SOS2: variants seen among roughly 807,000 people sequenced by gnomAD.
SOS2 encodes the protein son of sevenless homolog 2.
SOS2 carries 65 observed loss-of-function variants against 148.2 expected under a neutral mutation model. That is an observed-to-expected ratio of 0.44 (90% CI 0.36 to 0.54). The LOEUF (loss-of-function observed/expected upper bound fraction) is 0.54, where lower values mean the gene tolerates loss of function less well. Ranked by LOEUF, SOS2 falls within the 20% of genes least tolerant of loss-of-function variation. SOS2 has a pLI of 0.00. For synonymous variants in SOS2, 539 were observed against 537.1 expected (o/e 1.00, Z -0.05); for missense variants, 1,341 against 1,590.2 (o/e 0.84, Z 2.67).
intron 1 of SOS2, among the ~76,000 whole-genome samples, chr14:50,230,370 T>G (rs1308097350): frequency 1.3e-5 from 2 of 152,200 alleles, no homozygotes; most frequent in Non-Finnish European, 2.9e-5. Context: ...ACGCACCTAT[T>G]CACAGTCTTT....
At chr14:50,152,592 G>A (rs1884695136) in intron 13 of SOS2, among the ~76,000 whole-genome samples, 1 of 152,100 alleles carries the variant, frequency 6.6e-6, no homozygotes, top group Non-Finnish European at 1.5e-5. Context: ...TCAGATGATT[G>A]GTCTAAACAT....
At chr14:50,123,938 G>C (rs1021516887) in intron 21 of SOS2, among the ~76,000 whole-genome samples, 1 of 152,108 alleles carries the variant, frequency 6.6e-6, no homozygotes, top group African/African-American at 2.4e-5. Flanking sequence ...TGTGAGAAAG[G>C]GAGAGAAGTA....
chr14:50,201,984 C>CTT (rs1449598438), intron 2 of SOS2, among the ~76,000 whole-genome samples: 1 of 152,150 alleles, frequency 6.6e-6, no homozygotes, highest in African/African-American at 2.4e-5. Flanking sequence ...TCTTGTCACT[C>CTT]TGTCTGTGTC....
intron 1 of SOS2, 158 bp downstream of exon 1, chr14:50,231,039 T>G (rs1400800589): frequency 1.7e-6 from 1 of 593,736 alleles, no homozygotes; most frequent in Admixed American, 4.6e-5. Context: ...AGAAACGTCC[T>G]TCAGAATGCA....
Position 50,158,579 on chromosome 14 carries a change from G to T in SOS2, c.1920C>A (p.Ser640Arg). ...RSFCKPQELL[S>R]LLIERFEIPE... is the part of the protein sequence containing the mutation. ...ATTTTTCTTACCGTTCAATCAGTAA[G>T]CTCAGCAATTCCTGTGGTTTACAAA... The change falls in exon 11 of 23, where the codon AGC becomes AGA. Residue 640 changes from serine (S) to arginine (R), a missense_variant. This residue lies in a region of SOS2 where 408 missense variants were observed against 506.6 expected (regional missense o/e 0.81). Transcript: ENST00000216373. 6.3e-7 allele frequency: 1 copy of T among 1,595,562 alleles called. No homozygotes were observed. The highest frequency in any genetic ancestry group is 1.7e-5 in the Admixed American group (1 of 57,708).
chr14:50,173,328 T>C (rs1194400940), intron 8 of SOS2, among the ~76,000 whole-genome samples: 3 of 152,148 alleles, frequency 2.0e-5, no homozygotes, highest in Non-Finnish European at 4.4e-5. Context: ...GCAAGGAATA[T>C]ATATGATTAT....
chr14:50,204,896 T>TTCTC (rs1886610418), intron 1 of SOS2, among the ~76,000 whole-genome samples: 1 of 31,084 alleles, frequency 3.2e-5, no homozygotes, highest in African/African-American at 1.3e-4. Flanking sequence ...TTTTCTTTTT[T>TTCTC]TTTCTTTCTT....
At chr14:50,216,551 G>T (rs1433278128) in intron 1 of SOS2, among the ~76,000 whole-genome samples, 2 of 151,848 alleles carry the variant, frequency 1.3e-5, no homozygotes, top group Non-Finnish European at 2.9e-5. Context: ...CTGAGGTCAG[G>T]AGTTTGAGAC....
chr14:50,157,255 A>G, intron 11 of SOS2, 134 bp from the exon 12 acceptor site: 1 of 920,614 alleles, frequency 1.1e-6, no homozygotes, highest in Non-Finnish European at 1.5e-6. Context: ...GAGGTATGAT[A>G]TACTACAAAA....
chr14:50,224,636 G>C (rs928995255), intron 1 of SOS2, among the ~76,000 whole-genome samples: 4 of 152,072 alleles, frequency 2.6e-5, no homozygotes, highest in Non-Finnish European at 5.9e-5. Flanking sequence ...TGTAATCCCA[G>C]AACTTTGGGA....
In SOS2 at chr14:50,159,427, A is replaced by G. The variant is rs1227305644; in HGVS notation, c.1852+4T>C. ...GGTCAGCAGTTGTAATGAGTTTCAC[A>G]TACCTGCATACATATGATATGTTAA... On this transcript the variant is annotated splice_donor_region_variant and intron_variant, in intron 10 of 22. Coordinates refer to ENST00000216373, the MANE Select transcript of SOS2 (RefSeq NM_006939.4). 4 of 1,579,432 alleles carry G rather than the reference A, an allele frequency of 2.5e-6. No individual in the cohort carries two copies. Among genetic ancestry groups the G allele is most frequent in the Admixed American group, 1.8e-5 (1 of 56,406 alleles).
chr14:50,164,394 T>A (rs1345386516), intron 8 of SOS2, among the ~76,000 whole-genome samples: 1 of 151,864 alleles, frequency 6.6e-6, no homozygotes, highest in Non-Finnish European at 1.5e-5. Flanking sequence ...GAGCTGAGAT[T>A]GTGCCATTAC....
chr14:50,217,946 C>T (rs781125047), intron 1 of SOS2, among the ~76,000 whole-genome samples: 22 of 151,300 alleles, frequency 1.5e-4, no homozygotes, highest in Non-Finnish European at 3.1e-4. Flanking sequence ...CAGAGCGAGA[C>T]TCTGTCTCAA....
intron 13 of SOS2, among the ~76,000 whole-genome samples, chr14:50,151,135 A>C (rs1258923419): frequency 6.6e-6 from 1 of 152,240 alleles, no homozygotes; most frequent in Non-Finnish European, 1.5e-5. Flanking sequence ...TTGGGATTAC[A>C]GGCATGAGCC....
chr14:50,138,595 G>A lies in SOS2; in HGVS notation c.2958+17C>T, dbSNP rs889359090. 4.4e-6 allele frequency: 6 copies of A among 1,356,944 alleles called. No individual in the cohort carries two copies. Among genetic ancestry groups the A allele is most frequent in the Non-Finnish European group, 5.9e-6 (6 of 1,010,692 alleles). The allele number at this position is 1,356,944 out of a possible 1,614,324, so 84.1% of individuals were successfully genotyped here. ...TTAACACGTTCTCTTCTAAAGATATGCAAAGAAAATATTTACCCTCATATC... is the reference window on the plus strand; with the variant it reads ...TTAACACGTTCTCTTCTAAAGATATACAAAGAAAATATTTACCCTCATATC... On this transcript the variant is annotated intron_variant, in intron 18 of 22. Coordinates refer to ENST00000216373, the MANE Select transcript of SOS2 (RefSeq NM_006939.4).
chr14:50,157,639 G>A (rs1164324868), intron 11 of SOS2, among the ~76,000 whole-genome samples: 1 of 152,022 alleles, frequency 6.6e-6, no homozygotes, highest in African/African-American at 2.4e-5. Flanking sequence ...TTCTGGACAT[G>A]GAAACAACTA....
At chr14:50,190,055 G>A (rs769145135) in intron 4 of SOS2, among the ~76,000 whole-genome samples, 17 of 151,756 alleles carry the variant, frequency 1.1e-4, no homozygotes, top group Non-Finnish European at 2.4e-4. Context: ...GTTTCACCAT[G>A]TTATTCAGGC....
chr14:50,185,251 G>A (rs1885869923), intron 5 of SOS2, among the ~76,000 whole-genome samples: 1 of 151,994 alleles, frequency 6.6e-6, no homozygotes, highest in Non-Finnish European at 1.5e-5. Flanking sequence ...CTTAATCTGT[G>A]AGATCTGACA....
At chr14:50,230,872 T>C (rs1887518306) in intron 1 of SOS2, 1 of 1,028,292 alleles carries the variant, frequency 9.7e-7, no homozygotes, top group African/African-American at 1.7e-5. Context: ...AGAAACTGTC[T>C]AAATACCAGC....
Sources: gnomAD v4.1 joint callset for allele counts (sites outside exome capture counted in the v4.1 genomes callset) on GRCh38, gnomAD v4.1.1 for gene constraint, gnomAD v4.1.1 regional missense constraint, MANE v1.5 for transcripts, NCBI Gene and HGNC (gene_info 2026-07-23, HGNC 2026-07-21) for gene names.